The following ABCC8 variants were observed in gnomAD, a reference collection of about 807,000 sequenced individuals.
ABCC8 encodes ATP-binding cassette sub-family C member 8.
A neutral mutation model predicts 188.0 loss-of-function variants in ABCC8; 137 were observed. The observed-to-expected ratio is 0.73, with a 90% CI of 0.63 to 0.84. The LOEUF (loss-of-function observed/expected upper bound fraction) is 0.84, where lower values mean the gene tolerates loss of function less well. Ranked by LOEUF, ABCC8 falls within the 40% of genes least tolerant of loss-of-function variation. ABCC8 has a pLI of 0.00. For missense variants in ABCC8, 1,750 were observed against 2,072.7 expected, an observed-to-expected ratio of 0.84 and a Z score of 3.02; for synonymous variants, 797 against 846.5, an observed-to-expected ratio of 0.94 and a Z score of 1.01.
rs767395738 is a variant in ABCC8 at position 17,463,504 on chromosome 11, G to A, written c.513C>T (p.Leu171=). The A allele has an allele frequency of 5.6e-6, 9 of 1,603,202 alleles. No homozygotes were observed. Among genetic ancestry groups the A allele is most frequent in the Non-Finnish European group, 7.7e-6 (9 of 1,175,210 alleles). ...CATAGAGGATCACCAGCAGCCCTGT[G>A]AGGCAGAAGCGTAGCTGCGAGAAGC... ...AIGFSQLRFC[L]TGLLVILYGM... is the part of the protein sequence containing the mutation. The change falls in exon 4 of 39, where the codon CTC becomes CTT. Residue 171 remains leucine, a synonymous_variant. Coordinates refer to ENST00000389817, the MANE Select transcript of ABCC8 (RefSeq NM_000352.6).
intron 11 of ABCC8, among the ~76,000 whole-genome samples, chr11:17,431,582 C>G (rs906189368): frequency 3.3e-5 from 5 of 152,228 alleles, no homozygotes; most frequent in African/African-American, 1.2e-4. Flanking sequence ...GAGGGGGCTG[C>G]AGGCTCGTAG....
Position 17,407,075 on chromosome 11 carries a change from C to T in ABCC8, c.2975G>A (p.Arg992His), listed in dbSNP as rs201499958. The T allele has an allele frequency of 1.7e-5, 27 of 1,613,892 alleles. No individual in the cohort carries two copies. The highest frequency in any genetic ancestry group is 8.9e-5 in the East Asian group (4 of 44,894). ...DDNLSSMLHQRAEIPWRACAK... is the reference protein window; with the variant it reads ...DDNLSSMLHQHAEIPWRACAK... ...GCAGGCTCGCCATGGGATCTCAGCA[C>T]GCTGGTGCAGCATGGACGACAGGTT... The change falls in exon 25 of 39, where the codon CGT becomes CAT. Residue 992 changes from arginine to histidine, a missense_variant. By Grantham distance (29) the Arg-to-His change is conservative. Transcript: ENST00000389817.
intron 6 of ABCC8, among the ~76,000 whole-genome samples, chr11:17,456,887 G>A (rs946464803): frequency 1.3e-5 from 2 of 152,182 alleles, no homozygotes; most frequent in South Asian, 4.1e-4. Flanking sequence ...ACCATTTCCC[G>A]TGCATCTCCT....
At chr11:17,436,752 G>A (rs7119439) in intron 10 of ABCC8, among the ~76,000 whole-genome samples, 25,394 of 152,114 alleles carry the variant, frequency 0.17, 2,277 homozygotes, top group Non-Finnish European at 0.2. Context: ...GTAGAGACAT[G>A]GGTATTTTTT....
At chr11:17,432,019 C>T (rs181930130) in intron 11 of ABCC8, among the ~76,000 whole-genome samples, 185 bp downstream of exon 11, 1 of 152,216 alleles carries the variant, frequency 6.6e-6, no homozygotes, top group Non-Finnish European at 1.5e-5. Context: ...GAGGCAGAGG[C>T]CCCTGTTCGG....
At chr11:17,393,825 G>A in intron 37 of ABCC8, 66 bp from the exon 38 acceptor site, 1 of 1,613,878 alleles carries the variant, frequency 6.2e-7, no homozygotes, top group Non-Finnish European at 8.5e-7. Flanking sequence ...CTGGCTTGGG[G>A]GATGTGGAGC....
intron 16 of ABCC8, 29 bp from the exon 17 acceptor site, chr11:17,416,991 C>T: frequency 1.9e-6 from 3 of 1,613,936 alleles, no homozygotes; most frequent in Admixed American, 1.7e-5. Flanking sequence ...GACAGACCAA[C>T]ACCAGTTAGT....
intron 10 of ABCC8, among the ~76,000 whole-genome samples, chr11:17,433,791 TG>T (rs1955956508): frequency 6.6e-6 from 1 of 152,214 alleles, no homozygotes; most frequent in South Asian, 2.1e-4. Context: ...CTCGTATGGC[TG>T]GGGCCCTGGC....
intron 14 of ABCC8, 164 bp downstream of exon 14, chr11:17,428,125 G>A: frequency 6.4e-7 from 1 of 1,557,966 alleles, no homozygotes; most frequent in East Asian, 2.2e-5. Context: ...AAGGCTGGGG[G>A]TCCCCCCACT....
intron 3 of ABCC8, among the ~76,000 whole-genome samples, chr11:17,463,889 T>C (rs1847987435): frequency 6.6e-6 from 1 of 152,204 alleles, no homozygotes; most frequent in South Asian, 2.1e-4. Flanking sequence ...GGGAAATTTA[T>C]TTATTGAATT....
rs772147516 is a variant in ABCC8, at chr11:17,395,495, G to T, written c.4307+115C>A. 89 of 1,476,050 alleles carry T rather than the reference G, an allele frequency of 6.0e-5. No homozygotes were observed. The African/African-American group carries it at 1.2e-3, about 19-fold the overall frequency. 91.4% of individuals were successfully genotyped at this position (1,476,050 alleles called of 1,614,324 possible). The stretch of plus-strand genomic sequence containing the variant: ...CCTGATGGGATGGAGAAGGGCATGA[G>T]CAGGAAACACCTCTGGGATCCTGGT... On this transcript the variant is annotated intron_variant, in intron 35 of 38. Transcript: ENST00000389817.
At chr11:17,463,692 GAGAC>G in intron 3 of ABCC8, 88 bp from the exon 4 acceptor site, 1 of 1,520,792 alleles carries the variant, frequency 6.6e-7, no homozygotes, top group Non-Finnish European at 8.9e-7. Flanking sequence ...GGCAGAGAAG[GAGAC>G]AGAATAAGCG....
chr11:17,404,570 G>A lies in ABCC8; in HGVS notation c.3499C>T (p.Leu1167Phe). 9.9e-6 allele frequency: 16 copies of A among 1,614,078 alleles called. 1 individual carries two copies. The highest frequency in any genetic ancestry group is 8.8e-5 in the South Asian group (8 of 91,072). The change falls in exon 28 of 39, where the codon CTC (leucine) becomes TTC (phenylalanine). Residue 1167 changes from leucine to phenylalanine, a missense_variant. By Grantham distance (22) the Leu-to-Phe change is conservative (BLOSUM62 0). Transcript: ENST00000389817. The surrounding 1 kb of genome is among the most constrained non-coding windows in gnomAD (Gnocchi z 4.7). The part of the protein sequence containing the change: ...SYVTPVFLVA[L>F]LPLAIVCYFI... ...TAGCACACGATGGCCAGGGGCAAGAGGGCCACGAGGAACACAGGTGTGACA... is the reference window on the plus strand; with the variant it reads ...TAGCACACGATGGCCAGGGGCAAGAAGGCCACGAGGAACACAGGTGTGACA...
chr11:17,420,660 G>C (rs1163136141), intron 16 of ABCC8, among the ~76,000 whole-genome samples: 2 of 152,198 alleles, frequency 1.3e-5, no homozygotes, highest in Non-Finnish European at 2.9e-5. Flanking sequence ...GCAGCAGGGA[G>C]CTCCAGTGAG....
chr11:17,437,554 G>A (rs1384036072), intron 10 of ABCC8, among the ~76,000 whole-genome samples: 2 of 152,254 alleles, frequency 1.3e-5, no homozygotes, highest in Non-Finnish European at 2.9e-5. Context: ...ATTTTGAGGT[G>A]CACGGGGCTG....
chr11:17,397,925 C>A, intron 30 of ABCC8, 128 bp from the exon 31 acceptor site: 1 of 1,512,522 alleles, frequency 6.6e-7, no homozygotes, highest in Non-Finnish European at 8.8e-7. Context: ...AACTCATGCA[C>A]ACGTCACCAG....
intron 16 of ABCC8, among the ~76,000 whole-genome samples, chr11:17,422,000 T>G (rs1468725629): frequency 6.6e-6 from 1 of 152,222 alleles, no homozygotes; most frequent in Non-Finnish European, 1.5e-5. Context: ...CCCTCTCCTC[T>G]GGCTGCAGGC....
intron 10 of ABCC8, among the ~76,000 whole-genome samples, chr11:17,437,105 A>G (rs1956134036): frequency 6.7e-6 from 1 of 149,664 alleles, no homozygotes; most frequent in Non-Finnish European, 1.5e-5. Flanking sequence ...AAAAAAAAAA[A>G]AAAAAAAAAA....
At chr11:17,464,830 C>T (rs1591900376) in intron 3 of ABCC8, among the ~76,000 whole-genome samples, 1 of 152,326 alleles carries the variant, frequency 6.6e-6, no homozygotes, top group Admixed American at 6.5e-5. Flanking sequence ...CCCTCCTAGA[C>T]CAGATGCGGA....
Sources: gnomAD v4.1 joint callset for allele counts (sites outside exome capture counted in the v4.1 genomes callset) on GRCh38, gnomAD v4.1.1 for gene constraint, Gnocchi (gnomAD v3.1) non-coding constraint, MANE v1.5 for transcripts, NCBI Gene and HGNC (gene_info 2026-07-23, HGNC 2026-07-21) for gene names.